The following LARP1 variants were observed in gnomAD, a reference collection of about 807,000 sequenced individuals.
LARP1 encodes the protein La ribonucleoprotein 1, translational regulator.
A neutral mutation model predicts 122.7 loss-of-function variants in LARP1; 36 were observed. The observed-to-expected ratio is 0.29, with a 90% CI of 0.22 to 0.39. The LOEUF is 0.39. Ranked by LOEUF, LARP1 falls within the 10% of genes least tolerant of loss-of-function variation. The pLI, the probability that LARP1 is intolerant of heterozygous loss-of-function variation, is 1.00. For missense variants in LARP1, 1,040 were observed against 1,403.6 expected (o/e 0.74, Z 4.14); for synonymous variants, 539 against 528.7 (o/e 1.02, Z -0.27).
At chr5:154,754,948 G>C (rs935275921), upstream of LARP1, among the ~76,000 whole-genome samples, 2 of 152,182 alleles carry the variant, frequency 1.3e-5, no homozygotes, top group African/African-American at 2.4e-5. Context: ...TAAAGAGCAC[G>C]AGCAGGCCCG....
chr5:154,739,311 C>G (rs1049824568), intron 1 of LARP1, among the ~76,000 whole-genome samples: 1 of 151,722 alleles, frequency 6.6e-6, no homozygotes, highest in African/African-American at 2.4e-5. Flanking sequence ...TGAGCCACCT[C>G]ACCCGGCCCT....
At chr5:154,731,881 G>A (rs1231786431) in intron 1 of LARP1, among the ~76,000 whole-genome samples, 1 of 152,054 alleles carries the variant, frequency 6.6e-6, no homozygotes, top group Non-Finnish European at 1.5e-5. Flanking sequence ...AATTAGCTGG[G>A]TGTGATGGCC....
At chr5:154,757,278 T>A (rs1754036901) in intron 1 of LARP1, 1 of 151,898 alleles carries the variant, frequency 6.6e-6, no homozygotes, top group Admixed American at 6.6e-5. Flanking sequence ...ACCGTGCCCC[T>A]TTCCGGGGGG....
chr5:154,699,482 C>A (rs1754618101), intron 1 of LARP1, among the ~76,000 whole-genome samples: 1 of 101,456 alleles, frequency 9.9e-6, no homozygotes, highest in Non-Finnish European at 2.0e-5. Context: ...TAGCAAGACC[C>A]CTCTTTCTAC....
intron 1 of LARP1, among the ~76,000 whole-genome samples, chr5:154,721,810 A>G (rs1030922029): frequency 6.6e-6 from 1 of 152,152 alleles, no homozygotes; most frequent in African/African-American, 2.4e-5. Flanking sequence ...GTTGTAATGT[A>G]TTTGTCTCCA....
At chr5:154,760,544 A>G (rs1012014754) in intron 1 of LARP1, among the ~76,000 whole-genome samples, 3 of 152,194 alleles carry the variant, frequency 2.0e-5, no homozygotes, top group African/African-American at 7.2e-5. Context: ...TTGGGGGTGT[A>G]TAATGGAGCA....
At position 154,804,287 on chromosome 5, in the gene LARP1, G is replaced by T; in HGVS notation, c.2526G>T (p.Arg842Ser). 1 of 1,613,968 alleles carries T rather than the reference G, an allele frequency of 6.2e-7. No individual in the cohort carries two copies. Among genetic ancestry groups the T allele is most frequent in the Non-Finnish European group, 8.5e-7 (1 of 1,179,836 alleles). The change falls in exon 14 of 19, where the codon AGG (arginine) becomes AGT (serine). Residue 842 changes from arginine to serine, a missense_variant. Arg to Ser is a moderately radical substitution (Grantham distance 110, BLOSUM62 -1). Coordinates refer to ENST00000518297, the MANE Select transcript of LARP1 (RefSeq NM_033551.3). ...GGGTGATGGATTCCCGTGAGCACAG[G>T]CCCCGTACTGCTTCCATCAGGTACC... ...VGWVMDSREH[R>S]PRTASISSSP...
chr5:154,764,904 CAAAA>C (rs57409005), intron 1 of LARP1, among the ~76,000 whole-genome samples: 2 of 102,456 alleles, frequency 2.0e-5, no homozygotes, highest in Admixed American at 9.9e-5. Flanking sequence ...GACTCCATCA[CAAAA>C]AAAAAAAAAA....
intron 15 of LARP1, among the ~76,000 whole-genome samples, chr5:154,807,635 C>T (rs1055228740): frequency 1.4e-4 from 22 of 152,284 alleles, no homozygotes; most frequent in Middle Eastern, 3.4e-3. Flanking sequence ...ACTGCAGTCT[C>T]GAACTATTGG....
At chr5:154,808,344 A>C in intron 15 of LARP1, 115 bp from the exon 16 acceptor site, 1 of 1,252,236 alleles carries the variant, frequency 8.0e-7, no homozygotes. Context: ...ATGATGAGTG[A>C]GGGGATTTGG....
At chr5:154,701,525 G>C (rs901766647) in intron 1 of LARP1, among the ~76,000 whole-genome samples, 1 of 152,040 alleles carries the variant, frequency 6.6e-6, no homozygotes, top group Non-Finnish European at 1.5e-5. Flanking sequence ...CAGACCCCCT[G>C]GTCACAGTGA....
Position 154,790,642 on chromosome 5 carries a change from C to T in LARP1, c.499-3C>T. The T allele has an allele frequency of 6.2e-7, 1 of 1,614,046 alleles. No individual in the cohort carries two copies. The highest frequency in any genetic ancestry group is 8.5e-7 in the Non-Finnish European group (1 of 1,179,970). ...GGGCCCTCATAGTGTATGTTCCCTG[C>T]AGGTTGGTGACTTTGGAGATGCAAT... is the stretch of plus-strand genomic sequence containing the variant. On this transcript the variant is annotated splice_polypyrimidine_tract_variant and splice_region_variant and intron_variant, in intron 2 of 18. Transcript: ENST00000518297.
At chr5:154,739,768 C>A (rs1213463782) in intron 1 of LARP1, among the ~76,000 whole-genome samples, 11 of 152,178 alleles carry the variant, frequency 7.2e-5, no homozygotes, top group Admixed American at 1.3e-4. Context: ...GATTCTAAGA[C>A]TCGGAAAGAC....
intron 1 of LARP1, among the ~76,000 whole-genome samples, chr5:154,714,850 G>A (rs918888692): frequency 3.9e-5 from 6 of 152,212 alleles, no homozygotes; most frequent in African/African-American, 7.2e-5. Flanking sequence ...CGTTGTGTGC[G>A]TATACGCATG....
upstream of LARP1, among the ~76,000 whole-genome samples, chr5:154,710,265 A>G (rs1755150628): frequency 6.6e-6 from 1 of 152,226 alleles, no homozygotes; most frequent in South Asian, 2.1e-4. Flanking sequence ...AACAGTAAAC[A>G]GAGCTAGGGA....
At position 154,707,242 on chromosome 5, in the gene LARP1, T is replaced by TA. The variant is rs1268644634; in HGVS notation, c.-180+24214dup. On this transcript the variant is annotated intron_variant, in intron 1 of 18. Transcript: ENST00000687700. ...TGGCAATACAGCCAGACCCTATCTC[T>TA]AAAAAAAAATGTTTTAATGTAAAAT... Among the ~76,000 whole-genome samples, 10 of 151,220 alleles carry TA rather than the reference T, an allele frequency of 6.6e-5. No individual in the cohort carries two copies. In the South Asian group the frequency reaches 1.0e-3, roughly 16 times the overall value.
chr5:154,752,062 G>A (rs1420255114), upstream of LARP1, among the ~76,000 whole-genome samples: 1 of 152,032 alleles, frequency 6.6e-6, no homozygotes, highest in Non-Finnish European at 1.5e-5. Context: ...CTCCTGCTTT[G>A]GCCTTTCAAA....
chr5:154,796,916 C>G (rs550961623), intron 8 of LARP1, among the ~76,000 whole-genome samples: 4 of 152,062 alleles, frequency 2.6e-5, no homozygotes, highest in African/African-American at 7.2e-5. Flanking sequence ...GGTTTGTTTT[C>G]GTATCATTTG....
intron 1 of LARP1, among the ~76,000 whole-genome samples, chr5:154,790,095 C>G (rs1582418012): frequency 6.6e-6 from 1 of 152,224 alleles, no homozygotes; most frequent in Non-Finnish European, 1.5e-5. Flanking sequence ...CTGCTGGCTG[C>G]TGGCTCCTGG....
Sources: allele counts gnomAD v4.1 joint callset (sites outside exome capture counted in the v4.1 genomes callset), GRCh38; gene constraint gnomAD v4.1.1; transcripts MANE v1.5; gene names NCBI Gene and HGNC (gene_info 2026-07-23, HGNC 2026-07-21).